SLC7A5: variants seen among roughly 807,000 people sequenced by gnomAD.
The protein encoded by SLC7A5 is solute carrier family 7 member 5.
A neutral mutation model predicts 50.2 loss-of-function variants in SLC7A5; 23 were observed. The observed-to-expected ratio is 0.46, with a 90% CI of 0.33 to 0.65. SLC7A5 has a LOEUF of 0.65. Among genes scored for constraint, SLC7A5 ranks in the 30% least tolerant of loss-of-function variants. The pLI, the probability that SLC7A5 is intolerant of heterozygous loss-of-function variation, is 0.02. For synonymous variants in SLC7A5, 393 were observed against 330.6 expected, an observed-to-expected ratio of 1.19 and a Z score of -2.05; for missense variants, 578 against 684.4, an observed-to-expected ratio of 0.84 and a Z score of 1.73.
At chr16:87,835,594 C>T (rs900332930) in intron 8 of SLC7A5, among the ~76,000 whole-genome samples, 3 of 152,224 alleles carry the variant, frequency 2.0e-5, no homozygotes, top group Admixed American at 2.0e-4. Flanking sequence ...CTGCCTCCAC[C>T]TCCCGAGTAG....
chr16:87,840,198 G>T (rs1288386642), intron 4 of SLC7A5, among the ~76,000 whole-genome samples: 1 of 152,198 alleles, frequency 6.6e-6, no homozygotes, highest in African/African-American at 2.4e-5. Flanking sequence ...CCTCTGTACC[G>T]TCCCGCCCTG....
At chr16:87,855,422 T>C (rs1240562470) in intron 1 of SLC7A5, among the ~76,000 whole-genome samples, 1 of 152,122 alleles carries the variant, frequency 6.6e-6, no homozygotes, top group Non-Finnish European at 1.5e-5. Flanking sequence ...TGCATACCGC[T>C]GGCTGACCCC....
Position 87,832,765 on chromosome 16 carries a change from A to G in SLC7A5, c.*205T>C, listed in dbSNP as rs893307550. On this transcript the variant is annotated 3_prime_UTR_variant, in exon 10 of 10. Coordinates refer to ENST00000261622, the MANE Select transcript of SLC7A5 (RefSeq NM_003486.7). This position sits in a 1 kb window ranked among gnomAD's most constrained non-coding sequence, Gnocchi z 4.6. ...TGCTCCTGGGCAGGAGCACAGGCAC[A>G]CCTGGGTCCCTGGCCCTCAGTTGAG... The G allele has an allele frequency of 8.6e-6, 5 of 583,924 alleles. No individual in the cohort carries two copies. Among genetic ancestry groups the G allele is most frequent in the Admixed American group, 4.9e-5 (2 of 40,908 alleles). 36.2% of individuals were successfully genotyped at this position (583,924 alleles called of 1,614,324 possible).
rs571313833 is a variant in SLC7A5, at chr16:87,840,924, G to A, written c.770+126C>T. 3.7e-5 allele frequency: 24 copies of A among 651,932 alleles called. No individual in the cohort carries two copies. In the Admixed American group the frequency reaches 4.3e-4, roughly 12 times the overall value. The allele number at this position is 651,932 out of a possible 1,614,324, so 40.4% of individuals were successfully genotyped here. A position where few individuals can be genotyped will look rare whatever the true frequency, so the allele number is the denominator to read the frequency against. On this transcript the variant is annotated intron_variant, in intron 3 of 9. Coordinates refer to ENST00000261622, the MANE Select transcript of SLC7A5 (RefSeq NM_003486.7). ...CCTGCCACTCTTTAACTGCCAAGGG[G>A]CAGTTAAAGGGAGGGGCAGTCCACT...
In SLC7A5 at chr16:87,838,763, C is replaced by T. The variant is rs758804079; in HGVS notation, c.994G>A (p.Gly332Ser). Residue 332 changes from glycine to serine, a missense_variant, in exon 6 of 10, where the codon GGC becomes AGC. This residue lies in a region of SLC7A5 where 465 missense variants were observed against 594.6 expected (regional missense o/e 0.78). Coordinates refer to ENST00000261622, the MANE Select transcript of SLC7A5 (RefSeq NM_003486.7). ...VMSWIIPVFV[G>S]LSCFGSVNGS... ...TTGACGGAGCCGAAGCAGGACAGGC[C>T]CACGAAGACGGGGATGATCCAGGAC... 5.6e-6 allele frequency: 9 copies of T among 1,614,088 alleles called. No homozygotes were observed. In the South Asian group the frequency reaches 9.9e-5, roughly 18 times the overall value.
At chr16:87,836,954 T>G in intron 7 of SLC7A5, 2 of 434,050 alleles carry the variant, frequency 4.6e-6, no homozygotes, top group African/African-American at 2.0e-5. Context: ...ACAGTGTACA[T>G]ACACAGCTGG....
rs754548626 is a variant in SLC7A5, at chr16:87,836,692, G to C, written c.1141-45C>G. 5.5e-5 allele frequency: 89 copies of C among 1,604,974 alleles called. 1 individual carries two copies. The highest frequency in any genetic ancestry group is 5.0e-5 in the Non-Finnish European group (59 of 1,178,136). On this transcript the variant is annotated intron_variant, in intron 7 of 9. Coordinates refer to ENST00000261622, the MANE Select transcript of SLC7A5 (RefSeq NM_003486.7). Reference sequence around the variant, plus strand: ...GGCTGAGCCCTGGGGCCCACGAGCAGGGCTGTGGACGGCCGTGGTGGCCAC... The same window carrying C: ...GGCTGAGCCCTGGGGCCCACGAGCACGGCTGTGGACGGCCGTGGTGGCCAC...
chr16:87,868,780 G>C, intron 1 of SLC7A5, 105 bp downstream of exon 1: 1 of 1,211,002 alleles, frequency 8.3e-7, no homozygotes, highest in South Asian at 1.3e-5. Flanking sequence ...GATGGTCCAG[G>C]AACGTAAAGA....
chr16:87,856,184 G>T (rs1437596771), intron 1 of SLC7A5, among the ~76,000 whole-genome samples: 1 of 152,214 alleles, frequency 6.6e-6, no homozygotes, highest in Non-Finnish European at 1.5e-5. Context: ...CTCCTGCCAG[G>T]CCCCCGAGGA....
At position 87,841,313 on chromosome 16, in the gene SLC7A5, T is replaced by C. The variant is rs2055080607; in HGVS notation, c.665-158A>G. ...AATGGTATGTACCTGCTGAGCCACA[T>C]GGAGGGTGCAGGGTTCCAACCACAA... is the stretch of plus-strand genomic sequence containing the variant. On this transcript the variant is annotated intron_variant, in intron 2 of 9. Coordinates refer to ENST00000261622, the MANE Select transcript of SLC7A5 (RefSeq NM_003486.7). The surrounding 1 kb of genome is among the most constrained non-coding windows in gnomAD (Gnocchi z 4.8). Among the ~76,000 whole-genome samples, 1 of 152,112 alleles carries C rather than the reference T, an allele frequency of 6.6e-6. No homozygotes were observed. The highest frequency in any genetic ancestry group is 1.5e-5 in the Non-Finnish European group (1 of 67,990).
intron 2 of SLC7A5, among the ~76,000 whole-genome samples, chr16:87,845,776 C>G (rs1394541795): frequency 1.3e-5 from 2 of 152,204 alleles, no homozygotes; most frequent in African/African-American, 4.8e-5. Context: ...CTTTTTCCAA[C>G]TCCACAGGCG....
intron 1 of SLC7A5, among the ~76,000 whole-genome samples, chr16:87,865,971 C>T (rs1056688599): frequency 2.6e-5 from 4 of 152,126 alleles, no homozygotes; most frequent in Non-Finnish European, 4.4e-5. Flanking sequence ...CAGTGAGCAA[C>T]GAGCCTGGGC....
At chr16:87,835,962 C>T (rs909410409) in intron 8 of SLC7A5, among the ~76,000 whole-genome samples, 4 of 152,216 alleles carry the variant, frequency 2.6e-5, no homozygotes, top group Admixed American at 1.3e-4. Flanking sequence ...GCCAGGGCGG[C>T]GGGACTTGCT....
At chr16:87,845,875 A>C (rs906585528) in intron 2 of SLC7A5, among the ~76,000 whole-genome samples, 1 of 152,170 alleles carries the variant, frequency 6.6e-6, no homozygotes, top group African/African-American at 2.4e-5. Flanking sequence ...CGGGAGGTGA[A>C]GGCCGCGGGA....
rs187512330 is a variant in SLC7A5 at position 87,833,803 on chromosome 16, C to T, written c.1468+611G>A. On this transcript the variant is annotated intron_variant, in intron 9 of 9. Transcript: ENST00000261622. This position sits in a 1 kb window ranked among gnomAD's most constrained non-coding sequence, Gnocchi z 6.0. ...CGGGGTCCTGAGCTTGGTGACAAAG[C>T]ACCCCTGGGGCTGCCGCTGCACACA... Among the ~76,000 whole-genome samples, 922 of 151,798 alleles carry T rather than the reference C, an allele frequency of 6.1e-3. 8 individuals are homozygous for T. The highest frequency in any genetic ancestry group is 0.021 in the African/African-American group (874 of 41,388).
chr16:87,844,494 G>A (rs564291493), intron 2 of SLC7A5, among the ~76,000 whole-genome samples: 1 of 152,312 alleles, frequency 6.6e-6, no homozygotes, highest in Admixed American at 6.5e-5. Flanking sequence ...TCCTGCTGAC[G>A]GGGCCCAGGG....
chr16:87,846,253 G>A (rs1329274947), intron 2 of SLC7A5, among the ~76,000 whole-genome samples: 1 of 152,224 alleles, frequency 6.6e-6, no homozygotes, highest in Admixed American at 6.5e-5. Context: ...ATGCCTCACA[G>A]AGAGATGCCC....
chr16:87,849,224 G>A (rs542085612), intron 2 of SLC7A5, among the ~76,000 whole-genome samples: 45 of 120,080 alleles, frequency 3.7e-4, no homozygotes, highest in Admixed American at 1.7e-3. Context: ...AGGGCTTTGC[G>A]TCCACTGGGG....
chr16:87,855,268 C>A (rs553100732), intron 1 of SLC7A5, among the ~76,000 whole-genome samples: 86 of 152,178 alleles, frequency 5.7e-4, no homozygotes, highest in African/African-American at 1.9e-3. Flanking sequence ...TGGGGGACAC[C>A]CCCACCCCCT....
Sources: allele counts gnomAD v4.1 joint callset (sites outside exome capture counted in the v4.1 genomes callset), GRCh38; gene constraint gnomAD v4.1.1; regional missense constraint gnomAD v4.1.1; non-coding constraint Gnocchi (gnomAD v3.1); transcripts MANE v1.5; gene names NCBI Gene and HGNC (gene_info 2026-07-23, HGNC 2026-07-21).